The following UNC13C variants were observed in gnomAD, a reference collection of about 807,000 sequenced individuals.
The protein encoded by UNC13C is unc-13 homolog C.
Under a neutral mutation model 245.4 loss-of-function variants are expected in UNC13C, and 174 were observed. That is an observed-to-expected ratio of 0.71 (90% confidence interval 0.63 to 0.80). UNC13C has a LOEUF of 0.80. Ranked by LOEUF, UNC13C falls within the 30% of genes least tolerant of loss-of-function variation. The pLI, the probability that UNC13C is intolerant of heterozygous loss-of-function variation, is 0.00. For synonymous variants in UNC13C, 992 were observed against 895.1 expected (o/e 1.11, Z -1.93); for missense variants, 2,829 against 2,602.9 (o/e 1.09, Z -1.89).
chr15:54,569,211 C>T (rs1897643872), intron 30 of UNC13C, among the ~76,000 whole-genome samples: 1 of 151,848 alleles, frequency 6.6e-6, no homozygotes, highest in African/African-American at 2.4e-5. Context: ...ACCCCCCCCT[C>T]CAACACACAC....
At chr15:53,977,943 T>G, upstream of UNC13C, among the ~76,000 whole-genome samples, 1 of 152,308 alleles carries the variant, frequency 6.6e-6, no homozygotes. Context: ...CTTCAAATGG[T>G]TTTCCACAAA....
chr15:54,234,240 GTA>G (rs71132791), intron 4 of UNC13C, among the ~76,000 whole-genome samples: 46,529 of 147,916 alleles, frequency 0.31, 7,688 homozygotes, highest in African/African-American at 0.44. Flanking sequence ...TCCCATGTCA[GTA>G]TATATATATA....
chr15:54,074,789 G>T (rs1236428910), intron 2 of UNC13C, among the ~76,000 whole-genome samples: 1 of 152,086 alleles, frequency 6.6e-6, no homozygotes, highest in Admixed American at 6.5e-5. Flanking sequence ...AGACAATGGG[G>T]TTTTCTATAT....
At chr15:53,869,775 A>G in the UNC13C span, among the ~76,000 whole-genome samples, 3 of 152,320 alleles carry the variant, frequency 2.0e-5, no homozygotes, top group South Asian at 2.1e-4. Flanking sequence ...AGATTAAATG[A>G]CAAAGGTCTT....
chr15:54,374,633 A>AG (rs2039565475), intron 17 of UNC13C, among the ~76,000 whole-genome samples: 1 of 152,240 alleles, frequency 6.6e-6, no homozygotes, highest in African/African-American at 2.4e-5. Context: ...CTGCAGAGGA[A>AG]GGGAGGCCTT....
intron 19 of UNC13C, among the ~76,000 whole-genome samples, chr15:54,470,488 A>G (rs542280192): frequency 8.4e-4 from 127 of 151,666 alleles, no homozygotes; most frequent in Non-Finnish European, 1.6e-3. Flanking sequence ...ATATGATTTT[A>G]GGACTTTATC....
At chr15:54,561,239 G>T (rs1897286842) in intron 29 of UNC13C, among the ~76,000 whole-genome samples, 1 of 151,988 alleles carries the variant, frequency 6.6e-6, no homozygotes, top group Non-Finnish European at 1.5e-5. Context: ...CTCTCCGGGA[G>T]TTTCTAGTCC....
intron 24 of UNC13C, among the ~76,000 whole-genome samples, chr15:54,517,575 C>T (rs763248887): frequency 5.3e-5 from 8 of 152,078 alleles, no homozygotes; most frequent in Non-Finnish European, 7.4e-5. Flanking sequence ...CCACTGTAAG[C>T]ACCTCTTCCT....
chr15:54,338,431 C>T lies in UNC13C; in HGVS notation c.4655C>T (p.Ser1552Phe). 5 of 1,613,864 alleles carry T rather than the reference C, an allele frequency of 3.1e-6. No homozygotes were observed. The highest frequency in any genetic ancestry group is 4.2e-6 in the Non-Finnish European group (5 of 1,179,806). The part of the protein sequence containing the change: ...VKDCVRACLD[S>F]TYKYIFDNCH... ...GACTGTGTAAGGGCTTGCCTGGATTCTACATACAAGTATATTTTTGACAAC... is the reference window on the plus strand; with the variant it reads ...GACTGTGTAAGGGCTTGCCTGGATTTTACATACAAGTATATTTTTGACAAC... Residue 1552 changes from serine to phenylalanine, a missense_variant, in exon 17 of 33, where the codon TCT becomes TTT. By Grantham distance (155) the Ser-to-Phe change is radical. Coordinates refer to ENST00000260323, the MANE Select transcript of UNC13C (RefSeq NM_001080534.3).
intron 19 of UNC13C, among the ~76,000 whole-genome samples, chr15:54,435,343 G>T (rs1294125813): frequency 6.6e-6 from 1 of 151,476 alleles, no homozygotes; most frequent in Non-Finnish European, 1.5e-5. Flanking sequence ...ATCCCCATCA[G>T]ATAAACTGGA....
At position 54,489,940 on chromosome 15, in the gene UNC13C, C is replaced by A. The variant is rs530991030; in HGVS notation, c.4934-4668C>A. ...TATTGAAAATCTTTTATTATATCAG[C>A]TGAAGTGCATAATGCATGAAAAAAC... On this transcript the variant is annotated intron_variant, in intron 19 of 32. Coordinates refer to ENST00000260323, the MANE Select transcript of UNC13C (RefSeq NM_001080534.3). Among the ~76,000 whole-genome samples, 13 of 152,224 alleles carry A rather than the reference C, an allele frequency of 8.5e-5. No individual in the cohort carries two copies. The South Asian group carries it at 2.1e-3, about 24-fold the overall frequency.
At chr15:54,079,838 G>A (rs1021649738) in intron 2 of UNC13C, among the ~76,000 whole-genome samples, 1 of 151,688 alleles carries the variant, frequency 6.6e-6, no homozygotes, top group Non-Finnish European at 1.5e-5. Flanking sequence ...TAGGACTTCC[G>A]GTACTATGCT....
chr15:54,633,130 A>C (rs1392274005), downstream of UNC13C: 1 of 152,032 alleles, frequency 6.6e-6, no homozygotes, highest in Non-Finnish European at 1.5e-5. Flanking sequence ...ACGCCATTGC[A>C]CTCCAACCTG....
intron 8 of UNC13C, among the ~76,000 whole-genome samples, chr15:54,251,727 T>C (rs560796272): frequency 6.6e-6 from 1 of 152,290 alleles, no homozygotes; most frequent in African/African-American, 2.4e-5. Context: ...GTGCCCTCTG[T>C]TTGTTGTTTA....
chr15:53,917,428 T>C, the UNC13C span, among the ~76,000 whole-genome samples: 2 of 152,230 alleles, frequency 1.3e-5, no homozygotes, highest in African/African-American at 4.8e-5. Flanking sequence ...TTGAGTTCTC[T>C]TACTGGCTCC....
intron 4 of UNC13C, among the ~76,000 whole-genome samples, chr15:54,180,485 A>G (rs529341528): frequency 1.3e-5 from 2 of 152,046 alleles, no homozygotes; most frequent in African/African-American, 4.8e-5. Context: ...TATTTTTGGT[A>G]GAAAGATTTG....
intron 4 of UNC13C, among the ~76,000 whole-genome samples, chr15:54,168,218 G>T (rs989944365): frequency 2.0e-5 from 3 of 152,114 alleles, no homozygotes; most frequent in Admixed American, 1.3e-4. Flanking sequence ...TATAAAGTCA[G>T]TTCCCATGTT....
At chr15:54,589,334 T>C (rs1055214226) in intron 30 of UNC13C, among the ~76,000 whole-genome samples, 1 of 126,370 alleles carries the variant, frequency 7.9e-6, no homozygotes, top group East Asian at 2.9e-4. Flanking sequence ...AGTCTCACTC[T>C]GTCACCCAGG....
chr15:54,444,046 AT>A lies in UNC13C; in HGVS notation c.4933+28980del, dbSNP rs531371356. Among the ~76,000 whole-genome samples, 387 of 152,078 alleles carry A rather than the reference AT, an allele frequency of 2.5e-3. 2 individuals are homozygous for A. The highest frequency in any genetic ancestry group is 8.9e-3 in the African/African-American group (368 of 41,538). ...GAGCCCATCTTTCCCTTTAGATCTAATAATATCCACTTTATATATCTGGATA... is the reference window on the plus strand; with the variant it reads ...GAGCCCATCTTTCCCTTTAGATCTAAAATATCCACTTTATATATCTGGATA... On this transcript the variant is annotated intron_variant, in intron 19 of 32. Coordinates refer to ENST00000260323, the MANE Select transcript of UNC13C (RefSeq NM_001080534.3).
Sources: allele counts gnomAD v4.1 joint callset (sites outside exome capture counted in the v4.1 genomes callset), GRCh38; gene constraint gnomAD v4.1.1; transcripts MANE v1.5; gene names NCBI Gene and HGNC (gene_info 2026-07-23, HGNC 2026-07-21).